The following CCDC7 variants were observed in gnomAD, a reference collection of about 807,000 sequenced individuals.
CCDC7 encodes coiled-coil domain containing 7, also known as coiled-coil domain-containing protein 7.
In CCDC7, 183 loss-of-function variants were observed where a neutral mutation model predicts 196.9. The observed-to-expected ratio is 0.93, with a 90% CI of 0.82 to 1.05. CCDC7 has a LOEUF of 1.05. Among genes scored for constraint, CCDC7 ranks in the 50% least tolerant of loss-of-function variants. The pLI, the probability that CCDC7 is intolerant of heterozygous loss-of-function variation, is 0.00. For missense variants in CCDC7, 1,540 were observed against 1,482.2 expected (o/e 1.04, Z -0.64); for synonymous variants, 525 against 484.6 (o/e 1.08, Z -1.10).
chr10:32,810,650 A>C (rs1052725885), intron 30 of CCDC7, among the ~76,000 whole-genome samples: 1 of 152,148 alleles, frequency 6.6e-6, no homozygotes, highest in Non-Finnish European at 1.5e-5. Flanking sequence ...TTTAAACATC[A>C]GTTTAAACCA....
intron 20 of CCDC7, among the ~76,000 whole-genome samples, chr10:32,643,635 A>G (rs2067228409): frequency 1.3e-5 from 2 of 151,862 alleles, no homozygotes; most frequent in South Asian, 4.1e-4. Flanking sequence ...TCTGATTTTT[A>G]AATCAATTAT....
chr10:32,482,140 C>G (rs1252888969), intron 8 of CCDC7, among the ~76,000 whole-genome samples: 2 of 151,438 alleles, frequency 1.3e-5, no homozygotes, highest in Non-Finnish European at 2.9e-5. Context: ...AATGATAACA[C>G]TCTTGATGCT....
intron 3 of CCDC7, among the ~76,000 whole-genome samples, chr10:32,459,125 T>C (rs2035028178): frequency 2.0e-5 from 3 of 152,210 alleles, no homozygotes; most frequent in African/African-American, 7.2e-5. Context: ...GATTTTTATA[T>C]GTTGATTTTA....
intron 21 of CCDC7, among the ~76,000 whole-genome samples, chr10:32,679,527 C>T (rs568696926): frequency 7.2e-5 from 11 of 152,100 alleles, no homozygotes; most frequent in East Asian, 1.9e-4. Context: ...TGTAAGTAGT[C>T]GAATAGTCTC....
chr10:32,660,832 G>T lies in CCDC7; in HGVS notation c.2015-3222G>T, dbSNP rs1397214748. 8.1e-5 allele frequency among the ~76,000 whole-genome samples: 12 copies of T among 148,326 alleles called. No individual in the cohort carries two copies. In the South Asian group the frequency reaches 2.6e-3, roughly 32 times the overall value. On this transcript the variant is annotated intron_variant, in intron 20 of 41. Coordinates refer to ENST00000639629, the Ensembl canonical transcript of CCDC7. ...CTTATACAAAAATCAATTCAAGATGGATTAAAGACTTAAACGTTAGACCTA... is the reference window on the plus strand; with the variant it reads ...CTTATACAAAAATCAATTCAAGATGTATTAAAGACTTAAACGTTAGACCTA...
At chr10:32,741,136 T>C (rs929011105) in intron 28 of CCDC7, among the ~76,000 whole-genome samples, 1 of 152,138 alleles carries the variant, frequency 6.6e-6, no homozygotes. Context: ...ACATTTATTT[T>C]GAAATTCTGA....
chr10:32,453,352 C>A, exon 2 of CCDC7: 1 of 1,492,170 alleles, frequency 6.7e-7, no homozygotes, highest in Non-Finnish European at 8.9e-7. Context: ...AGGTTGTTTC[C>A]ACTTTGGAAG....
chr10:32,452,154 A>G (rs2033232450), intron 1 of CCDC7, among the ~76,000 whole-genome samples: 1 of 152,236 alleles, frequency 6.6e-6, no homozygotes, highest in Admixed American at 6.5e-5. Context: ...TTGTGACAAC[A>G]CATATGAAAT....
chr10:32,563,966 C>T (rs1005652428), intron 13 of CCDC7, among the ~76,000 whole-genome samples: 1 of 152,154 alleles, frequency 6.6e-6, no homozygotes, highest in Non-Finnish European at 1.5e-5. Context: ...AAAAAACAAA[C>T]AACCCCATCA....
chr10:32,615,185 T>C (rs1590633384), intron 18 of CCDC7, among the ~76,000 whole-genome samples: 3 of 152,288 alleles, frequency 2.0e-5, no homozygotes, highest in South Asian at 4.1e-4. Flanking sequence ...TCCCTTTGGG[T>C]ATATATCCAA....
At chr10:32,574,651 TCATG>T in intron 16 of CCDC7, 2 of 403,962 alleles carry the variant, frequency 5.0e-6, no homozygotes, top group Non-Finnish European at 7.9e-6. Flanking sequence ...TTGTTTCACA[TCATG>T]TGCGTTGTTA....
chr10:32,670,748 T>A (rs991074171), intron 21 of CCDC7, among the ~76,000 whole-genome samples: 3 of 152,022 alleles, frequency 2.0e-5, no homozygotes, highest in African/African-American at 7.2e-5. Context: ...CAACTCTTAG[T>A]TTTGTTGATC....
rs569733947 is a variant in CCDC7 at position 32,651,588 on chromosome 10, G to T, written c.2015-12466G>T. ...GGTTTCTGGAGGATTTCGGGCAGGA[G>T]CACTCTGTCTTACAGACTAAGAGTA... is the stretch of plus-strand genomic sequence containing the variant. On this transcript the variant is annotated intron_variant, in intron 20 of 41. Transcript: ENST00000639629. Among the ~76,000 whole-genome samples the T allele has an allele frequency of 5.3e-4, 80 of 152,180 alleles. 1 individual carries two copies. Among genetic ancestry groups the T allele is most frequent in the Admixed American group, 1.5e-3 (23 of 15,272 alleles).
chr10:32,483,737 G>A (rs1193141517), intron 8 of CCDC7, among the ~76,000 whole-genome samples: 28 of 152,084 alleles, frequency 1.8e-4, no homozygotes, highest in Non-Finnish European at 3.2e-4. Context: ...TTCCAGCACC[G>A]TTTATTAACT....
chr10:32,614,751 C>G (rs995353064), intron 18 of CCDC7, among the ~76,000 whole-genome samples: 1 of 152,166 alleles, frequency 6.6e-6, no homozygotes, highest in Non-Finnish European at 1.5e-5. Context: ...TGGAACCACC[C>G]ACCTTCTGCC....
intron 28 of CCDC7, among the ~76,000 whole-genome samples, chr10:32,733,072 T>A (rs1404237366): frequency 6.6e-6 from 1 of 152,132 alleles, no homozygotes; most frequent in Non-Finnish European, 1.5e-5. Flanking sequence ...TCTTGCCTGA[T>A]CTGTTTTTGA....
At chr10:32,562,385 T>G (rs949878152) in intron 13 of CCDC7, among the ~76,000 whole-genome samples, 2 of 152,310 alleles carry the variant, frequency 1.3e-5, no homozygotes, top group East Asian at 1.9e-4. Flanking sequence ...TGATGAACAT[T>G]GATGTAAAAA....
intron 33 of CCDC7, among the ~76,000 whole-genome samples, chr10:32,842,388 A>C (rs1000270430): frequency 1.3e-5 from 2 of 152,146 alleles, no homozygotes; most frequent in African/African-American, 4.8e-5. Context: ...AAAAACCATA[A>C]TGCAATACCA....
chr10:32,821,338 A>G (rs1313586768), intron 31 of CCDC7, among the ~76,000 whole-genome samples: 12 of 152,128 alleles, frequency 7.9e-5, no homozygotes, highest in African/African-American at 2.9e-4. Context: ...ATGTGGAGAA[A>G]TAGGAACACT....
Sources: allele counts gnomAD v4.1 joint callset (sites outside exome capture counted in the v4.1 genomes callset), GRCh38; gene constraint gnomAD v4.1.1; transcripts MANE v1.5; gene names NCBI Gene and HGNC (gene_info 2026-07-23, HGNC 2026-07-21).